Variants in NRG3 observed in about 807,000 individuals in gnomAD.
NRG3 encodes the protein neuregulin 3.
In NRG3, 31 loss-of-function variants were observed where a neutral mutation model predicts 66.9. The observed-to-expected ratio is 0.46, with a 90% confidence interval of 0.35 to 0.63. NRG3 has a LOEUF of 0.63. Ranked by LOEUF, NRG3 falls within the 20% of genes least tolerant of loss-of-function variation. The pLI is 0.00. For missense variants in NRG3, 910 were observed against 878.9 expected (o/e 1.04, Z -0.45); for synonymous variants, 393 against 359.4 (o/e 1.09, Z -1.06).
intron 1 of NRG3, among the ~76,000 whole-genome samples, chr10:82,293,144 A>G (rs2134633338): frequency 6.6e-6 from 1 of 152,268 alleles, no homozygotes; most frequent in South Asian, 2.1e-4. Context: ...TAGAGAGAGA[A>G]CTGTCTTTTC....
intron 2 of NRG3, among the ~76,000 whole-genome samples, chr10:82,734,255 T>G (rs561704294): frequency 6.6e-6 from 1 of 152,222 alleles, no homozygotes; most frequent in Admixed American, 6.5e-5. Context: ...AAAACAATGA[T>G]AGAAGGGGGT....
intron 2 of NRG3, among the ~76,000 whole-genome samples, chr10:82,467,345 C>A (rs559361289): frequency 6.6e-6 from 1 of 152,302 alleles, no homozygotes; most frequent in East Asian, 1.9e-4. Flanking sequence ...TCCTGGCCTG[C>A]AATACACTTC....
At chr10:82,375,558 A>T (rs2135783153) in intron 2 of NRG3, among the ~76,000 whole-genome samples, 1 of 151,238 alleles carries the variant, frequency 6.6e-6, no homozygotes, top group South Asian at 2.1e-4. Context: ...AAAATTACTG[A>T]TATTTTTTAT....
chr10:82,428,949 TATC>T (rs937018507), intron 2 of NRG3, among the ~76,000 whole-genome samples: 1 of 151,990 alleles, frequency 6.6e-6, no homozygotes, highest in Non-Finnish European at 1.5e-5. Context: ...ATTAAAAATT[TATC>T]ATTATAAATT....
At position 82,654,186 on chromosome 10, in the gene NRG3, G is replaced by A. The variant is rs191353071; in HGVS notation, c.954-84391G>A. On this transcript the variant is annotated intron_variant, in intron 2 of 8. Transcript: ENST00000372141. Reference sequence around the variant, plus strand: ...ATGACCCCTTTCCCTCTTAAGTGAAGGTTGAAGGAGCTATGTTGAATGAGA... The same window carrying A: ...ATGACCCCTTTCCCTCTTAAGTGAAAGTTGAAGGAGCTATGTTGAATGAGA... Among the ~76,000 whole-genome samples, 35 of 152,268 alleles carry A rather than the reference G, an allele frequency of 2.3e-4. No individual in the cohort carries two copies. The Middle Eastern group carries it at 0.014, about 59-fold the overall frequency.
intron 1 of NRG3, among the ~76,000 whole-genome samples, chr10:82,095,159 A>G (rs763452088): frequency 5.9e-5 from 9 of 152,108 alleles, no homozygotes; most frequent in Non-Finnish European, 1.0e-4. Context: ...GCTACACCTT[A>G]AGGATGCCCA....
At chr10:82,307,754 CTT>C (rs77135870) in intron 1 of NRG3, among the ~76,000 whole-genome samples, 1 of 149,296 alleles carries the variant, frequency 6.7e-6, no homozygotes, top group Non-Finnish European at 1.5e-5. Flanking sequence ...CCAATTTCAT[CTT>C]TTTTTTTTCC....
chr10:82,670,295 A>G (rs1183679663), intron 2 of NRG3, among the ~76,000 whole-genome samples: 1 of 152,086 alleles, frequency 6.6e-6, no homozygotes, highest in Non-Finnish European at 1.5e-5. Flanking sequence ...TCTCCTCAGT[A>G]GTCACCCCAT....
chr10:82,298,231 GAGGGAGGA>G (rs2080185960), intron 1 of NRG3, among the ~76,000 whole-genome samples: 2 of 147,112 alleles, frequency 1.4e-5, no homozygotes, highest in African/African-American at 4.9e-5. Context: ...GGGAGGGAGG[GAGGGAGGA>G]AGGAAGAGAT....
At chr10:82,816,259 C>T (rs571469123) in intron 3 of NRG3, among the ~76,000 whole-genome samples, 34 of 152,364 alleles carry the variant, frequency 2.2e-4, no homozygotes, top group Non-Finnish European at 4.6e-4. Context: ...TCTTGTCCCA[C>T]ATCCAGGACG....
intron 1 of NRG3, among the ~76,000 whole-genome samples, chr10:81,964,911 G>T (rs1419229702): frequency 6.6e-6 from 1 of 151,994 alleles, no homozygotes; most frequent in Non-Finnish European, 1.5e-5. Context: ...TTTTATTATG[G>T]ATACCATAGA....
intron 1 of NRG3, among the ~76,000 whole-genome samples, chr10:81,880,560 G>C (rs1210088051): frequency 1.3e-5 from 2 of 152,120 alleles, no homozygotes; most frequent in South Asian, 2.1e-4. Context: ...TCCTCTCTCT[G>C]GAGCTACTTT....
At chr10:82,629,057 T>C (rs1234729398) in intron 2 of NRG3, among the ~76,000 whole-genome samples, 3 of 152,190 alleles carry the variant, frequency 2.0e-5, no homozygotes, top group African/African-American at 2.4e-5. Flanking sequence ...GTAATATCTA[T>C]CTTTTAGATT....
chr10:82,771,810 AT>A (rs200231205), intron 3 of NRG3, among the ~76,000 whole-genome samples: 3 of 151,242 alleles, frequency 2.0e-5, no homozygotes, highest in Non-Finnish European at 3.0e-5. Context: ...TGAGCTCATT[AT>A]TTTTTTTTCC....
intron 1 of NRG3, among the ~76,000 whole-genome samples, chr10:82,306,431 C>T (rs891397426): frequency 2.6e-5 from 4 of 151,994 alleles, no homozygotes; most frequent in African/African-American, 2.4e-5. Context: ...CGGCCGAGTG[C>T]GGTGGCTCAC....
intron 3 of NRG3, among the ~76,000 whole-genome samples, chr10:82,797,195 C>A (rs1208224426): frequency 6.6e-6 from 1 of 152,166 alleles, no homozygotes; most frequent in African/African-American, 2.4e-5. Flanking sequence ...CCTTCTAATT[C>A]TCCTGCAGCT....
chr10:82,882,948 C>G (rs965011965), intron 4 of NRG3, among the ~76,000 whole-genome samples: 3 of 152,298 alleles, frequency 2.0e-5, no homozygotes, highest in African/African-American at 7.2e-5. Flanking sequence ...GTGATTAAGA[C>G]TATTATTCAC....
At chr10:82,326,096 C>G (rs1000469896) in intron 1 of NRG3, among the ~76,000 whole-genome samples, 12 of 152,150 alleles carry the variant, frequency 7.9e-5, no homozygotes, top group African/African-American at 2.9e-4. Flanking sequence ...ATTTTCTCAG[C>G]TGTTGTAGCC....
chr10:82,075,769 G>GT (rs2065057135), intron 1 of NRG3, among the ~76,000 whole-genome samples: 1 of 151,866 alleles, frequency 6.6e-6, no homozygotes, highest in Non-Finnish European at 1.5e-5. Context: ...AGTGGCCCTA[G>GT]TCCAGCAGGA....
Sources: allele counts gnomAD v4.1 joint callset (sites outside exome capture counted in the v4.1 genomes callset), GRCh38; gene constraint gnomAD v4.1.1; transcripts MANE v1.5; gene names NCBI Gene and HGNC (gene_info 2026-07-23, HGNC 2026-07-21).